NABP1: variants seen among roughly 807,000 people sequenced by gnomAD.
The protein encoded by NABP1 is nucleic acid binding protein 1, also known as SOSS complex subunit B2.
In NABP1, 18 loss-of-function variants were observed where a neutral mutation model predicts 25.0. The ratio of observed to expected loss-of-function variants is 0.72; its 90% confidence interval spans 0.50 to 1.07. The LOEUF (loss-of-function observed/expected upper bound fraction) is 1.07. Among genes scored for constraint, NABP1 ranks in the 50% least tolerant of loss-of-function variants. NABP1 has a pLI of 0.00. For synonymous variants in NABP1, 71 were observed against 85.0 expected (o/e 0.84, Z 0.91); for missense variants, 270 against 255.6 (o/e 1.06, Z -0.39).
chr2:191,683,552 T>C lies in NABP1; in HGVS notation c.303-177T>C. The C allele has an allele frequency of 1.7e-6, 1 of 571,944 alleles. No homozygotes were observed. The highest frequency in any genetic ancestry group is 3.1e-6 in the Non-Finnish European group (1 of 327,502). The allele number at this position is 571,944 out of a possible 1,614,324, so 35.4% of individuals were successfully genotyped here. A position where few individuals can be genotyped will look rare whatever the true frequency, so the allele number is the denominator to read the frequency against. On this transcript the variant is annotated intron_variant, in intron 3 of 5. Transcript: ENST00000425611. The surrounding 1 kb of genome is among the most constrained non-coding windows in gnomAD (Gnocchi z 4.1). ...ATATATCTTGTAGACAGTCAAATATTTGATGTTTTATGGGACATAATCATT... is the reference window on the plus strand; with the variant it reads ...ATATATCTTGTAGACAGTCAAATATCTGATGTTTTATGGGACATAATCATT...
chr2:191,680,095 CTTTAAAAAATACTAGAACTTTTTT>C (rs1687640908), intron 2 of NABP1, among the ~76,000 whole-genome samples: 1 of 151,946 alleles, frequency 6.6e-6, no homozygotes, highest in Non-Finnish European at 1.5e-5. Flanking sequence ...GGATAGGTGG[CTTTAAAAAATACTAGAACTTTTTT>C]TTTAAAAAAT....
At chr2:191,679,624 G>T (rs922006760) in intron 2 of NABP1, among the ~76,000 whole-genome samples, 1 of 152,124 alleles carries the variant, frequency 6.6e-6, no homozygotes, top group African/African-American at 2.4e-5. Context: ...TGATCCGCGC[G>T]CCCCAACCTC....
chr2:191,683,520 G>T lies in NABP1; in HGVS notation c.303-209G>T. ...TAAAGAAGAATTTAAATACAAAATA[G>T]AATGTTATATATCTTGTAGACAGTC... is the stretch of plus-strand genomic sequence containing the variant. On this transcript the variant is annotated intron_variant, in intron 3 of 5. Transcript: ENST00000425611. This position sits in a 1 kb window ranked among gnomAD's most constrained non-coding sequence, Gnocchi z 4.1. 1 of 445,568 alleles carries T rather than the reference G, an allele frequency of 2.2e-6. No homozygotes were observed. The highest frequency in any genetic ancestry group is 3.9e-6 in the Non-Finnish European group (1 of 253,448). The allele number at this position is 445,568 out of a possible 1,614,324, so 27.6% of individuals were successfully genotyped here.
At position 191,678,403 on chromosome 2, in the gene NABP1, CT is replaced by C. The variant is rs781513296; in HGVS notation, c.-188del. On this transcript the variant is annotated 5_prime_UTR_variant, in exon 1 of 6. Coordinates refer to ENST00000425611, the MANE Select transcript of NABP1 (RefSeq NM_001031716.5). ...CTTTTTTTCTTTAGAACTTGTGAGC[CT>C]TTTTTTTTTTTTTTTTTTTTTTTCT... 0.025 allele frequency: 6,015 copies of C among 241,840 alleles called. 40 individuals are homozygous for C. The highest frequency in any genetic ancestry group is 0.11 in the African/African-American group (3,598 of 32,266). The allele number at this position is 241,840 out of a possible 1,614,324, so 15.0% of individuals were successfully genotyped here. A position where few individuals can be genotyped will look rare whatever the true frequency, so the allele number is the denominator to read the frequency against.
Position 191,678,435 on chromosome 2 carries a change from TAGGCTCAGTGCTGTCCGGGCTGG to T in NABP1, c.-179_-157del. ...TTTTTTTTTTTTTTTTTTCTTTTTTTAGGCTCAGTGCTGTCCGGGCTGGTTTGCCCGGTCCCTGACTAACGGCT... is the reference window on the plus strand; with the variant it reads ...TTTTTTTTTTTTTTTTTTCTTTTTTTTTTGCCCGGTCCCTGACTAACGGCT... On this transcript the variant is annotated 5_prime_UTR_variant, in exon 1 of 6. Transcript: ENST00000425611. 2.8e-6 allele frequency: 1 copy of T among 351,642 alleles called. No homozygotes were observed. The highest frequency in any genetic ancestry group is 5.0e-6 in the Non-Finnish European group (1 of 199,096). The allele number at this position is 351,642 out of a possible 1,614,324, so 21.8% of individuals were successfully genotyped here. A position where few individuals can be genotyped will look rare whatever the true frequency, so the allele number is the denominator to read the frequency against.
intron 3 of NABP1, 145 bp downstream of exon 3, chr2:191,682,162 C>T (rs1056365656): frequency 1.0e-5 from 5 of 481,064 alleles, no homozygotes; most frequent in East Asian, 3.6e-5. Flanking sequence ...AAAATAACTT[C>T]GTGTATACAA....
Position 191,683,853 on chromosome 2 carries a change from T to C in NABP1, c.378+49T>C, listed in dbSNP as rs748540713. On this transcript the variant is annotated intron_variant, in intron 4 of 5. Coordinates refer to ENST00000425611, the MANE Select transcript of NABP1 (RefSeq NM_001031716.5). This position sits in a 1 kb window ranked among gnomAD's most constrained non-coding sequence, Gnocchi z 4.1. ...GATTAGGCTAATTTTGACTGTGTTA[T>C]AATTCTATGATTAGGCTAGCCCTGT... 2.8e-5 allele frequency: 38 copies of C among 1,373,696 alleles called. No individual in the cohort carries two copies. Among genetic ancestry groups the C allele is most frequent in the Non-Finnish European group, 3.5e-5 (34 of 978,800 alleles). The allele number at this position is 1,373,696 out of a possible 1,614,324, so 85.1% of individuals were successfully genotyped here. A position where few individuals can be genotyped will look rare whatever the true frequency, so the allele number is the denominator to read the frequency against.
At position 191,683,812 on chromosome 2, in the gene NABP1, T is replaced by C. The variant is rs199771844; in HGVS notation, c.378+8T>C. ...GGACAGCAGAACAAAGGGGTAATTG[T>C]GTAGTATACTTTTATGATTAGGCTA... On this transcript the variant is annotated splice_region_variant and intron_variant, in intron 4 of 5. Coordinates refer to ENST00000425611, the MANE Select transcript of NABP1 (RefSeq NM_001031716.5). This position sits in a 1 kb window ranked among gnomAD's most constrained non-coding sequence, Gnocchi z 4.1. The C allele has an allele frequency of 1.4e-3, 2,202 of 1,597,882 alleles. 3 individuals are homozygous for C. The highest frequency in any genetic ancestry group is 1.7e-3 in the Non-Finnish European group (2,028 of 1,172,808).
intron 5 of NABP1, 102 bp from the exon 6 acceptor site, chr2:191,685,497 C>A: frequency 9.8e-7 from 1 of 1,022,690 alleles, no homozygotes; most frequent in Non-Finnish European, 1.4e-6. Context: ...AAAGTGTGTG[C>A]TTTAATATTT....
rs1687746463 is a variant in NABP1, at chr2:191,683,810, T to A, written c.378+6T>A. The A allele has an allele frequency of 6.2e-7, 1 of 1,601,322 alleles. No homozygotes were observed. Among genetic ancestry groups the A allele is most frequent in the African/African-American group, 1.3e-5 (1 of 74,084 alleles). ...GAGGACAGCAGAACAAAGGGGTAAT[T>A]GTGTAGTATACTTTTATGATTAGGC... On this transcript the variant is annotated splice_donor_region_variant and intron_variant, in intron 4 of 5. Transcript: ENST00000425611. The surrounding 1 kb of genome is among the most constrained non-coding windows in gnomAD (Gnocchi z 4.1).
intron 5 of NABP1, among the ~76,000 whole-genome samples, chr2:191,685,312 C>G (rs989828734): frequency 6.6e-6 from 1 of 152,108 alleles, no homozygotes; most frequent in African/African-American, 2.4e-5. Context: ...CTATTTTGCC[C>G]TTTCTTTTTC....
intron 5 of NABP1, among the ~76,000 whole-genome samples, 189 bp downstream of exon 5, chr2:191,684,485 TAA>T (rs1032060499): frequency 2.6e-5 from 4 of 152,208 alleles, no homozygotes; most frequent in African/African-American, 7.2e-5. Flanking sequence ...TTGAGAATTC[TAA>T]GTTTTTGTGA....
Position 191,685,928 on chromosome 2 carries a change from T to C in NABP1, c.*160T>C, listed in dbSNP as rs143739448. 109 of 625,864 alleles carry C rather than the reference T, an allele frequency of 1.7e-4. No individual in the cohort carries two copies. In the African/African-American group the frequency reaches 1.8e-3, roughly 10 times the overall value. The allele number at this position is 625,864 out of a possible 1,614,324, so 38.8% of individuals were successfully genotyped here. A position where few individuals can be genotyped will look rare whatever the true frequency, so the allele number is the denominator to read the frequency against. On this transcript the variant is annotated 3_prime_UTR_variant, in exon 6 of 6. Coordinates refer to ENST00000425611, the MANE Select transcript of NABP1 (RefSeq NM_001031716.5). ...GAATGGTTTGTTTTTATAGCAAAACTGTTAAGCTGCTCGAGTCTCCTGTTG... is the reference window on the plus strand; with the variant it reads ...GAATGGTTTGTTTTTATAGCAAAACCGTTAAGCTGCTCGAGTCTCCTGTTG...
intron 5 of NABP1, 92 bp downstream of exon 5, chr2:191,684,388 A>G (rs1053650349): frequency 8.5e-6 from 7 of 824,778 alleles, no homozygotes; most frequent in Non-Finnish European, 1.3e-5. Context: ...CTTTAGGCAT[A>G]AATTAGTGAT....
In NABP1 at chr2:191,684,219, C is replaced by A; in HGVS notation, c.379-11C>A. The A allele has an allele frequency of 6.6e-7, 1 of 1,526,138 alleles. No homozygotes were observed. Among genetic ancestry groups the A allele is most frequent in the Non-Finnish European group, 8.8e-7 (1 of 1,136,874 alleles). The allele number at this position is 1,526,138 out of a possible 1,614,324, so 94.5% of individuals were successfully genotyped here. ...TATTCTCGTTTGGTTAAATTAAAAACTTTTTTTTAGGCACAGAGTGAACAG... is the reference window on the plus strand; with the variant it reads ...TATTCTCGTTTGGTTAAATTAAAAAATTTTTTTTAGGCACAGAGTGAACAG... On this transcript the variant is annotated splice_polypyrimidine_tract_variant and intron_variant, in intron 4 of 5. Transcript: ENST00000425611.
intron 4 of NABP1, 27 bp from the exon 5 acceptor site, chr2:191,684,203 T>C: frequency 1.5e-6 from 2 of 1,369,546 alleles, no homozygotes; most frequent in Non-Finnish European, 1.0e-6. Flanking sequence ...TTATTCTCGT[T>C]TGGTTAAATT....
rs150221871 is a variant in NABP1 at position 191,679,030 on chromosome 2, G to T, written c.132G>T (p.Ser44=). Residue 44 remains serine (S), a synonymous_variant, in exon 2 of 6, where the codon TCG becomes TCT. Coordinates refer to ENST00000425611, the MANE Select transcript of NABP1 (RefSeq NM_001031716.5). ...CCAAAGACGGCCATGAAGTGAGATC[G>T]TGCAAAGTAGCAGATAAAACGGGCA... ...TKTKDGHEVR[S]CKVADKTGSI... 1.4e-4 allele frequency: 221 copies of T among 1,614,244 alleles called. 2 individuals carry two copies. In the African/African-American group the frequency reaches 2.3e-3, roughly 17 times the overall value.
Position 191,678,994 on chromosome 2 carries a change from C to G in NABP1, c.96C>G (p.Arg32=), listed in dbSNP as rs145209016. 29 of 1,614,068 alleles carry G rather than the reference C, an allele frequency of 1.8e-5. No individual in the cohort carries two copies. The highest frequency in any genetic ancestry group is 2.4e-5 in the Non-Finnish European group (28 of 1,180,048). ...TTGATTTTTAAATCCTCACAGGACG[C>G]GTGACCAAAACCAAAGACGGCCATG... ...NVVFIVLEIG[R]VTKTKDGHEV... is the part of the protein sequence containing the mutation. The change falls in exon 2 of 6, where the codon CGC becomes CGG. Residue 32 remains arginine (R), a synonymous_variant. Transcript: ENST00000425611.
chr2:191,681,112 G>T (rs1167891890), intron 2 of NABP1, among the ~76,000 whole-genome samples: 1 of 152,102 alleles, frequency 6.6e-6, no homozygotes, highest in Non-Finnish European at 1.5e-5. Context: ...AAATGTTAAT[G>T]CACTGTATCC....
Sources: gnomAD v4.1 joint callset for allele counts (sites outside exome capture counted in the v4.1 genomes callset) on GRCh38, gnomAD v4.1.1 for gene constraint, Gnocchi (gnomAD v3.1) non-coding constraint, MANE v1.5 for transcripts, NCBI Gene and HGNC (gene_info 2026-07-23, HGNC 2026-07-21) for gene names.